Variants in HIPK2 observed in about 807,000 individuals in gnomAD.
HIPK2 encodes homeodomain-interacting protein kinase 2.
A neutral mutation model predicts 113.7 loss-of-function variants in HIPK2; 27 were observed. The ratio of observed to expected loss-of-function variants is 0.24; its 90% CI spans 0.17 to 0.33. The LOEUF is 0.33. Among genes scored for constraint, HIPK2 ranks in the 10% least tolerant of loss-of-function variants. The pLI is 1.00. For missense variants in HIPK2, 1,257 were observed against 1,588.0 expected, an observed-to-expected ratio of 0.79 and a Z score of 3.54; for synonymous variants, 631 against 642.2, an observed-to-expected ratio of 0.98 and a Z score of 0.26.
chr7:139,652,927 G>A (rs1349029013), intron 2 of HIPK2, among the ~76,000 whole-genome samples: 7 of 152,022 alleles, frequency 4.6e-5, no homozygotes, highest in Non-Finnish European at 1.0e-4. Context: ...TGGATCATTT[G>A]AGGTCAGGAG....
chr7:139,651,578 G>C (rs554331419), intron 2 of HIPK2, among the ~76,000 whole-genome samples: 19 of 152,296 alleles, frequency 1.2e-4, no homozygotes, highest in Non-Finnish European at 2.4e-4. Context: ...ACCTGGCCCT[G>C]GAGGCACTTG....
intron 2 of HIPK2, among the ~76,000 whole-genome samples, chr7:139,696,742 G>C (rs984464305): frequency 0.29 from 44,493 of 151,986 alleles, 6,761 homozygotes; most frequent in Middle Eastern, 0.48. Flanking sequence ...AAGAGTAAAG[G>C]GGGAAGAGTC....
At chr7:139,619,721 G>A (rs1409077201) in intron 7 of HIPK2, among the ~76,000 whole-genome samples, 2 of 152,154 alleles carry the variant, frequency 1.3e-5, no homozygotes, top group Non-Finnish European at 2.9e-5. Context: ...CCCAGTTCTA[G>A]AATCTTTATT....
At chr7:139,624,680 T>C (rs1337399364) in intron 6 of HIPK2, among the ~76,000 whole-genome samples, 3 of 152,190 alleles carry the variant, frequency 2.0e-5, no homozygotes, top group African/African-American at 7.2e-5. Flanking sequence ...CCATCTTCAC[T>C]TCCTTTCCCT....
At chr7:139,576,947 C>T (rs1001266620) in intron 13 of HIPK2, among the ~76,000 whole-genome samples, 4 of 152,160 alleles carry the variant, frequency 2.6e-5, no homozygotes, top group Admixed American at 1.3e-4. Flanking sequence ...ACTAGCCCCC[C>T]ATGTCCCTGT....
chr7:139,569,740 CT>C lies in HIPK2; in HGVS notation c.*3186del, dbSNP rs5887930. 0.13 allele frequency: 18,436 copies of C among 145,416 alleles called. 1,342 individuals carry two copies. Among genetic ancestry groups the C allele is most frequent in the African/African-American group, 0.21 (8,422 of 40,208 alleles). The allele number at this position is 145,416 out of a possible 1,614,324, so 9.0% of individuals were successfully genotyped here. A position where few individuals can be genotyped will look rare whatever the true frequency, so the allele number is the denominator to read the frequency against. The stretch of plus-strand genomic sequence containing the variant: ...AATTTTCCTACTTCCTAAGTCTTTC[CT>C]TTTTTTTTTTGCCTGACAAAACTGG... On this transcript the variant is annotated 3_prime_UTR_variant, in exon 15 of 15. Transcript: ENST00000406875.
chr7:139,618,540 C>T (rs1800133209), intron 7 of HIPK2, among the ~76,000 whole-genome samples: 1 of 152,164 alleles, frequency 6.6e-6, no homozygotes, highest in Non-Finnish European at 1.5e-5. Context: ...GTGGAGAAGA[C>T]GGGTGTTCTT....
rs145466199 is a variant in HIPK2 at position 139,774,767 on chromosome 7, T to C, written c.19+2838A>G. On this transcript the variant is annotated intron_variant, in intron 1 of 14. Transcript: ENST00000406875. Reference sequence around the variant, plus strand: ...TGGTGGTTGGCCTTTGCACTAGATATTGAAAAAGCCTCGCAAAGCAAGTTG... The same window carrying C: ...TGGTGGTTGGCCTTTGCACTAGATACTGAAAAAGCCTCGCAAAGCAAGTTG... Among the ~76,000 whole-genome samples the C allele has an allele frequency of 1.8e-3, 281 of 152,292 alleles. 1 individual carries two copies. Among genetic ancestry groups the C allele is most frequent in the African/African-American group, 6.4e-3 (266 of 41,566 alleles).
rs967356217 is a variant in HIPK2, at chr7:139,777,724, G to A, written c.-101C>T. The A allele has an allele frequency of 2.3e-5, 24 of 1,021,442 alleles. No homozygotes were observed. The highest frequency in any genetic ancestry group is 1.9e-4 in the African/African-American group (11 of 57,392). 63.3% of individuals were successfully genotyped at this position (1,021,442 alleles called of 1,614,324 possible). ...TCGGAATCTGCCATCTTGAGCCTGT[G>A]TCTCCGCTCTCGGCGCAGCCGAGGC... On this transcript the variant is annotated 5_prime_UTR_variant, in exon 1 of 15. Coordinates refer to ENST00000406875, the MANE Select transcript of HIPK2 (RefSeq NM_022740.5).
chr7:139,565,201 T>C lies in HIPK2; in HGVS notation c.*7726A>G, dbSNP rs868355995. 1.3e-4 allele frequency: 18 copies of C among 141,082 alleles called. No homozygotes were observed. The highest frequency in any genetic ancestry group is 2.5e-4 in the Non-Finnish European group (16 of 64,344). 8.7% of individuals were successfully genotyped at this position (141,082 alleles called of 1,614,324 possible). On this transcript the variant is annotated 3_prime_UTR_variant, in exon 15 of 15. Coordinates refer to ENST00000406875, the MANE Select transcript of HIPK2 (RefSeq NM_022740.5). ...GTAAGATAATGTATCTAAAACCTTC[T>C]AAAAAAAAAAAAAATCTTTAGGTGT...
chr7:139,614,617 A>T (rs763325283), intron 7 of HIPK2, 124 bp from the exon 8 acceptor site: 1 of 661,896 alleles, frequency 1.5e-6, no homozygotes, highest in Non-Finnish European at 2.2e-6. Flanking sequence ...AACAAAAACT[A>T]AGAGCAGAAA....
rs1481819647 is a variant in HIPK2, at chr7:139,631,588, T to C, written c.1227+14A>G. On this transcript the variant is annotated intron_variant, in intron 3 of 14. Coordinates refer to ENST00000406875, the MANE Select transcript of HIPK2 (RefSeq NM_022740.5). The surrounding 1 kb of genome is among the most constrained non-coding windows in gnomAD (Gnocchi z 4.9). The stretch of plus-strand genomic sequence containing the variant: ...GAATGAGGTCTTGTGAATATCTGTG[T>C]CATCTGGACCCACCTGATCATACTC... The C allele has an allele frequency of 6.2e-7, 1 of 1,608,378 alleles. No individual in the cohort carries two copies. The highest frequency in any genetic ancestry group is 1.7e-5 in the Admixed American group (1 of 58,462).
chr7:139,583,118 ACTT>A (rs1336573049), intron 13 of HIPK2, among the ~76,000 whole-genome samples: 1 of 152,194 alleles, frequency 6.6e-6, no homozygotes, highest in African/African-American at 2.4e-5. Context: ...GGACGCGCAG[ACTT>A]CTTCTGGTTT....
At chr7:139,647,381 A>G (rs1262205711) in intron 2 of HIPK2, among the ~76,000 whole-genome samples, 1 of 152,206 alleles carries the variant, frequency 6.6e-6, no homozygotes, top group Non-Finnish European at 1.5e-5. Flanking sequence ...CCCAATACAC[A>G]GATGTTTGCT....
At chr7:139,743,517 C>G (rs1041074385) in intron 1 of HIPK2, among the ~76,000 whole-genome samples, 4 of 152,214 alleles carry the variant, frequency 2.6e-5, no homozygotes, top group African/African-American at 9.7e-5. Flanking sequence ...CCCCAACATG[C>G]AGGTGTCCAT....
At chr7:139,661,952 C>A (rs983887462) in intron 2 of HIPK2, among the ~76,000 whole-genome samples, 2 of 152,298 alleles carry the variant, frequency 1.3e-5, no homozygotes, top group Admixed American at 1.3e-4. Flanking sequence ...AATATTATTT[C>A]AGGTTTTTCA....
intron 1 of HIPK2, among the ~76,000 whole-genome samples, chr7:139,741,418 T>G (rs890785190): frequency 6.6e-6 from 1 of 152,198 alleles, no homozygotes; most frequent in Non-Finnish European, 1.5e-5. Flanking sequence ...TCCTTCACCT[T>G]TGCCCCCTCG....
At chr7:139,637,860 G>A (rs1800863187) in intron 2 of HIPK2, among the ~76,000 whole-genome samples, 1 of 152,184 alleles carries the variant, frequency 6.6e-6, no homozygotes, top group Admixed American at 6.5e-5. Context: ...TTAGCCCAAG[G>A]AGGAGCAGAA....
intron 7 of HIPK2, among the ~76,000 whole-genome samples, chr7:139,619,173 G>A (rs1264459898): frequency 6.6e-6 from 1 of 152,182 alleles, no homozygotes; most frequent in Admixed American, 6.5e-5. Context: ...TGGCCTAGGG[G>A]AAAAGGGTGG....
Sources: gnomAD v4.1 joint callset for allele counts (sites outside exome capture counted in the v4.1 genomes callset) on GRCh38, gnomAD v4.1.1 for gene constraint, Gnocchi (gnomAD v3.1) non-coding constraint, MANE v1.5 for transcripts, NCBI Gene and HGNC (gene_info 2026-07-23, HGNC 2026-07-21) for gene names.